Variants in ANKRD28 observed in about 807,000 individuals in gnomAD.
ANKRD28 encodes the protein serine/threonine-protein phosphatase 6 regulatory ankyrin repeat subunit A.
Under a neutral mutation model 126.5 loss-of-function variants are expected in ANKRD28, and 44 were observed. The observed-to-expected ratio is 0.35, with a 90% confidence interval of 0.27 to 0.45. The LOEUF is 0.45. Ranked by LOEUF, ANKRD28 falls within the 20% of genes least tolerant of loss-of-function variation. The pLI is 1.00. For missense variants in ANKRD28, 1,110 were observed against 1,316.6 expected, an observed-to-expected ratio of 0.84 and a Z score of 2.43; for synonymous variants, 442 against 468.5, an observed-to-expected ratio of 0.94 and a Z score of 0.73.
intron 17 of ANKRD28, among the ~76,000 whole-genome samples, chr3:15,690,610 G>C (rs2125824951): frequency 6.6e-6 from 1 of 152,276 alleles, no homozygotes; most frequent in Middle Eastern, 3.4e-3. Context: ...TGTTGCCCCA[G>C]CTGGAGTCCA....
intron 1 of ANKRD28, among the ~76,000 whole-genome samples, chr3:15,826,265 A>G (rs1212956344): frequency 6.6e-6 from 1 of 152,226 alleles, no homozygotes; most frequent in Non-Finnish European, 1.5e-5. Context: ...TAGATTTATC[A>G]GGCACAAGTG....
Position 15,686,053 on chromosome 3 carries a change from T to A in ANKRD28, c.2118A>T (p.Gly706=). The A allele has an allele frequency of 6.2e-7, 1 of 1,613,806 alleles. No homozygotes were observed. The highest frequency in any genetic ancestry group is 8.5e-7 in the Non-Finnish European group (1 of 1,179,838). Residue 706 remains glycine, a synonymous_variant, in exon 20 of 28, where the codon GGA becomes GGT. Coordinates refer to ENST00000683139, the MANE Select transcript of ANKRD28 (RefSeq NM_001349278.2). ...ACTTATCTTTGGCATCTACATTTGC[T>A]CCTTTGTTCAGCAATGAGTAAACAC... ...TDCVYSLLNK[G]ANVDAKDKWG...
chr3:15,766,522 A>T (rs1010310950), intron 2 of ANKRD28, among the ~76,000 whole-genome samples: 1 of 152,146 alleles, frequency 6.6e-6, no homozygotes, highest in African/African-American at 2.4e-5. Context: ...TGTCTCTACA[A>T]AATTTTTTTT....
Position 15,796,447 on chromosome 3 carries a change from C to A in ANKRD28, c.75G>T (p.Gln25His), listed in dbSNP as rs1559548386. ...GTGGAGAATGTAGGGATTTATTTTCCTGTGGCAATTTAGAAATGAATGCAG... is the reference window on the plus strand; with the variant it reads ...GTGGAGAATGTAGGGATTTATTTTCATGTGGCAATTTAGAAATGAATGCAG... The part of the protein sequence containing the change: ...ESPAFISKLP[Q>H]ENKSLHSPPS... The change falls in exon 1 of 28, where the codon CAG becomes CAT. Residue 25 changes from glutamine to histidine, a missense_variant. By Grantham distance (24) the Gln-to-His change is conservative. Transcript: ENST00000683139. 7.8e-7 allele frequency: 1 copy of A among 1,288,242 alleles called. No homozygotes were observed. Among genetic ancestry groups the A allele is most frequent in the East Asian group, 5.6e-5 (1 of 17,996 alleles). The allele number at this position is 1,288,242 out of a possible 1,614,324, so 79.8% of individuals were successfully genotyped here. A position where few individuals can be genotyped will look rare whatever the true frequency, so the allele number is the denominator to read the frequency against.
In ANKRD28 at chr3:15,846,032, T is replaced by C. The variant is rs1033933379; in HGVS notation, c.27+13345A>G. ...GAGCCAAACCATATCATTCCACACC[T>C]GGCCACTCCCAAATCTCATGTCCTT... is the stretch of plus-strand genomic sequence containing the variant. On this transcript the variant is annotated intron_variant, in intron 1 of 27. Coordinates refer to the ANKRD28 transcript ENST00000399451. The surrounding 1 kb of genome is among the most constrained non-coding windows in gnomAD (Gnocchi z 5.4). Among the ~76,000 whole-genome samples, 12 of 152,244 alleles carry C rather than the reference T, an allele frequency of 7.9e-5. No individual in the cohort carries two copies. Among genetic ancestry groups the C allele is most frequent in the African/African-American group, 2.6e-4 (11 of 41,546 alleles).
intron 1 of ANKRD28, among the ~76,000 whole-genome samples, chr3:15,810,776 T>C (rs141053586): frequency 5.3e-4 from 80 of 151,878 alleles, no homozygotes; most frequent in Admixed American, 4.1e-3. Flanking sequence ...CACAACTTTA[T>C]AGGTAAGAAA....
At chr3:15,709,406 G>T (rs539832019) in intron 13 of ANKRD28, among the ~76,000 whole-genome samples, 2 of 152,040 alleles carry the variant, frequency 1.3e-5, no homozygotes, top group East Asian at 1.9e-4. Context: ...ATTTTTGGAG[G>T]GGGGGAAGTG....
At chr3:15,737,773 C>T (rs1465016050) in intron 4 of ANKRD28, among the ~76,000 whole-genome samples, 1 of 151,856 alleles carries the variant, frequency 6.6e-6, no homozygotes, top group East Asian at 1.9e-4. Context: ...CCACACCTGG[C>T]TCTTTGAACA....
At chr3:15,773,102 G>A (rs1363260981) in intron 2 of ANKRD28, among the ~76,000 whole-genome samples, 1 of 151,142 alleles carries the variant, frequency 6.6e-6, no homozygotes, top group Non-Finnish European at 1.5e-5. Flanking sequence ...GTCATAGATG[G>A]CATATTATTT....
intron 6 of ANKRD28, among the ~76,000 whole-genome samples, chr3:15,730,688 G>A (rs1268372730): frequency 6.6e-6 from 1 of 152,136 alleles, no homozygotes; most frequent in Admixed American, 6.5e-5. Flanking sequence ...GCTATATGTC[G>A]ATATTCATCT....
chr3:15,777,594 G>A (rs573741345), intron 2 of ANKRD28, among the ~76,000 whole-genome samples: 2 of 152,054 alleles, frequency 1.3e-5, no homozygotes, highest in Non-Finnish European at 2.9e-5. Context: ...TCTAAATGAT[G>A]AGTTTATTAT....
At position 15,833,683 on chromosome 3, in the gene ANKRD28, A is replaced by G. The variant is rs1278723683; in HGVS notation, c.27+25694T>C. On this transcript the variant is annotated intron_variant, in intron 1 of 27. Transcript: ENST00000399451. This position sits in a 1 kb window ranked among gnomAD's most constrained non-coding sequence, Gnocchi z 4.4. ...AACTAACCATTCTGACTCATATAAGATGGTTTTAACCCATTTATGCTGGAA... is the reference window on the plus strand; with the variant it reads ...AACTAACCATTCTGACTCATATAAGGTGGTTTTAACCCATTTATGCTGGAA... Among the ~76,000 whole-genome samples, 5 of 151,864 alleles carry G rather than the reference A, an allele frequency of 3.3e-5. No individual in the cohort carries two copies. Among genetic ancestry groups the G allele is most frequent in the Non-Finnish European group, 7.4e-5 (5 of 67,956 alleles).
rs764918319 is a variant in ANKRD28, at chr3:15,843,981, G to A, written c.27+15396C>T. 2.0e-5 allele frequency among the ~76,000 whole-genome samples: 3 copies of A among 152,144 alleles called. No individual in the cohort carries two copies. The highest frequency in any genetic ancestry group is 4.4e-5 in the Non-Finnish European group (3 of 68,020). ...AAGGGAGGTTAAGGTGGAAATGCAG[G>A]AACGAAAGCTGGGTAGGGTAGGTGA... On this transcript the variant is annotated intron_variant, in intron 1 of 27. Coordinates refer to the ANKRD28 transcript ENST00000399451. The surrounding 1 kb of genome is among the most constrained non-coding windows in gnomAD (Gnocchi z 5.2).
At chr3:15,769,474 A>T (rs1427725605) in intron 2 of ANKRD28, among the ~76,000 whole-genome samples, 3 of 152,246 alleles carry the variant, frequency 2.0e-5, no homozygotes, top group Non-Finnish European at 2.9e-5. Context: ...ATATCCAGAT[A>T]AAATGATTAA....
At chr3:15,777,480 C>T (rs977754756) in intron 2 of ANKRD28, among the ~76,000 whole-genome samples, 3 of 151,908 alleles carry the variant, frequency 2.0e-5, no homozygotes, top group African/African-American at 4.8e-5. Flanking sequence ...TAAATAAAAC[C>T]CCAAACCCTC....
chr3:15,801,542 T>C (rs942613755), upstream of ANKRD28, among the ~76,000 whole-genome samples: 5 of 152,314 alleles, frequency 3.3e-5, no homozygotes, highest in Admixed American at 1.3e-4. The surrounding 1 kb of genome is among the most constrained non-coding windows in gnomAD (Gnocchi z 4.9). Context: ...AACAATGTTA[T>C]AGAAAACATT....
chr3:15,695,982 C>G (rs1369127250), intron 15 of ANKRD28, among the ~76,000 whole-genome samples, 152 bp downstream of exon 15: 1 of 152,006 alleles, frequency 6.6e-6, no homozygotes, highest in Non-Finnish European at 1.5e-5. Context: ...ATATATCTTA[C>G]TAAAGCAAGT....
At chr3:15,695,821 A>T (rs1396442070) in intron 15 of ANKRD28, among the ~76,000 whole-genome samples, 1 of 152,268 alleles carries the variant, frequency 6.6e-6, no homozygotes, top group Non-Finnish European at 1.5e-5. Context: ...TATTTCTCAC[A>T]AAAGACACAG....
chr3:15,749,180 G>A (rs980588918), intron 4 of ANKRD28, among the ~76,000 whole-genome samples: 1 of 139,162 alleles, frequency 7.2e-6, no homozygotes, highest in East Asian at 2.2e-4. Flanking sequence ...GCGCAATCTC[G>A]GCTCACTGCA....
Sources: allele counts gnomAD v4.1 joint callset (sites outside exome capture counted in the v4.1 genomes callset), GRCh38; gene constraint gnomAD v4.1.1; non-coding constraint Gnocchi (gnomAD v3.1); transcripts MANE v1.5; gene names NCBI Gene and HGNC (gene_info 2026-07-23, HGNC 2026-07-21).